AGAP3: variants seen among roughly 807,000 people sequenced by gnomAD.
AGAP3 encodes ArfGAP with GTPase domain, ankyrin repeat and PH domain 3.
AGAP3 carries 24 observed loss-of-function variants against 96.9 expected under a neutral mutation model. The observed-to-expected ratio is 0.25, with a 90% CI of 0.18 to 0.35. The LOEUF is 0.35. AGAP3 is among the 10% of genes least tolerant of loss of function. AGAP3 has a pLI of 1.00. For missense variants in AGAP3, 876 were observed against 1,254.2 expected, an observed-to-expected ratio of 0.70 and a Z score of 4.55; for synonymous variants, 563 against 536.1, an observed-to-expected ratio of 1.05 and a Z score of -0.69.
chr7:151,089,932 A>G (rs1275409613), intron 1 of AGAP3: 1 of 152,148 alleles, frequency 6.6e-6, no homozygotes, highest in East Asian at 1.9e-4. Flanking sequence ...CAGGGAGAGT[A>G]TAGGCCTTCA....
intron 11 of AGAP3, chr7:151,136,534 G>T (rs373055881): frequency 6.6e-6 from 1 of 152,220 alleles, no homozygotes; most frequent in Non-Finnish European, 1.5e-5. Context: ...TACATTATCC[G>T]CTGCTTTATG....
chr7:151,120,838 GC>G, intron 8 of AGAP3: 1 of 1,156,866 alleles, frequency 8.6e-7, no homozygotes, highest in Non-Finnish European at 1.1e-6. Context: ...GCTGAGGGTG[GC>G]CTCTGGCTCT....
intron 8 of AGAP3, chr7:151,123,001 C>G (rs974800917): frequency 2.1e-6 from 3 of 1,411,488 alleles, no homozygotes; most frequent in South Asian, 1.5e-5. Flanking sequence ...CCCGGCCGGA[C>G]GCTGCAGGCT....
chr7:151,102,124 A>G (rs758372434), intron 1 of AGAP3, among the ~76,000 whole-genome samples: 15 of 152,114 alleles, frequency 9.9e-5, no homozygotes, highest in Non-Finnish European at 1.9e-4. Context: ...ACCAAGGGAA[A>G]ATCAGCTGAC....
rs548218056 is a variant in AGAP3 at position 151,139,292 on chromosome 7, G to A, written c.1667-687G>A. Among the ~76,000 whole-genome samples, 12 of 152,312 alleles carry A rather than the reference G, an allele frequency of 7.9e-5. No individual in the cohort carries two copies. The East Asian group carries it at 2.1e-3, about 27-fold the overall frequency. ...GCACGGGCTGAGGGAGGAGCTGGGC[G>A]GTGCCAGCACGGGGATCTGCCCCAC... On this transcript the variant is annotated intron_variant, in intron 12 of 17. Coordinates refer to ENST00000397238, the MANE Select transcript of AGAP3 (RefSeq NM_031946.7). The surrounding 1 kb of genome is among the most constrained non-coding windows in gnomAD (Gnocchi z 4.9).
chr7:151,118,215 A>G lies in AGAP3; in HGVS notation c.712A>G (p.Ile238Val). Residue 238 changes from isoleucine to valine, a missense_variant, in exon 6 of 18, where the codon ATC becomes GTC. Physicochemically the swap from Ile to Val is conservative, Grantham distance 29. Transcript: ENST00000397238. This position sits in a 1 kb window ranked among gnomAD's most constrained non-coding sequence, Gnocchi z 6.1. ...PMVLVGTQDA[I>V]SAANPRVIDD... The stretch of plus-strand genomic sequence containing the variant: ...CGCCCTCCCACCTCCAACAGATGCC[A>G]TCAGCGCTGCGAATCCCCGGGTTAT... 6.2e-7 allele frequency: 1 copy of G among 1,607,996 alleles called. No individual in the cohort carries two copies. Among genetic ancestry groups the G allele is most frequent in the Non-Finnish European group, 8.5e-7 (1 of 1,175,534 alleles).
At position 151,096,508 on chromosome 7, in the gene AGAP3, T is replaced by G. The variant is rs1395952423; in HGVS notation, c.331+9436T>G. Reference sequence around the variant, plus strand: ...TTTTTTTTGAGGTGGAGTCTCGCTCTGTCGCCCAGGCTGGAGTGCAGTGGC... The same window carrying G: ...TTTTTTTTGAGGTGGAGTCTCGCTCGGTCGCCCAGGCTGGAGTGCAGTGGC... On this transcript the variant is annotated intron_variant, in intron 1 of 17. Transcript: ENST00000397238. This position sits in a 1 kb window ranked among gnomAD's most constrained non-coding sequence, Gnocchi z 4.4. Among the ~76,000 whole-genome samples the G allele has an allele frequency of 6.6e-6, 1 of 151,946 alleles. No homozygotes were observed. Among genetic ancestry groups the G allele is most frequent in the East Asian group, 1.9e-4 (1 of 5,188 alleles).
Position 151,117,681 on chromosome 7 carries a change from G to C in AGAP3, c.610G>C (p.Asp204His). The change falls in exon 5 of 18, where the codon GAT becomes CAT. Residue 204 changes from aspartate (D) to histidine (H), a missense_variant. Physicochemically the swap from Asp to His is moderately conservative, Grantham distance 81 (BLOSUM62 -1). This residue lies in a region of AGAP3 where 131 missense variants were observed against 304.5 expected (regional missense o/e 0.43). Coordinates refer to ENST00000397238, the MANE Select transcript of AGAP3 (RefSeq NM_031946.7). ...AGTGGTGTTTGTGTTCAGCCTGGAG[G>C]ATGAAATCAGTTTCCAGACGGTGTA... ...DAVVFVFSLE[D>H]EISFQTVYNY... 6.2e-7 allele frequency: 1 copy of C among 1,614,220 alleles called. No homozygotes were observed. The highest frequency in any genetic ancestry group is 8.5e-7 in the Non-Finnish European group (1 of 1,180,026).
Position 151,114,940 on chromosome 7 carries a change from C to T in AGAP3, c.332-1853C>T, listed in dbSNP as rs1799477655. The T allele has an allele frequency of 1.0e-6, 1 of 984,822 alleles. No individual in the cohort carries two copies. The highest frequency in any genetic ancestry group is 1.2e-6 in the Non-Finnish European group (1 of 831,536). The allele number at this position is 984,822 out of a possible 1,614,324, so 61.0% of individuals were successfully genotyped here. ...GCCGCCAGTGAGCAGCCGGCGCGGC[C>T]GCGGAGCGTGTGCTCGGGCGGCCCG... On this transcript the variant is annotated intron_variant, in intron 1 of 17. Transcript: ENST00000397238. The surrounding 1 kb of genome is among the most constrained non-coding windows in gnomAD (Gnocchi z 4.4).
Position 151,108,142 on chromosome 7 carries a change from G to C in AGAP3, c.332-8651G>C, listed in dbSNP as rs1483703721. Among the ~76,000 whole-genome samples the C allele has an allele frequency of 6.6e-6, 1 of 152,186 alleles. No homozygotes were observed. The highest frequency in any genetic ancestry group is 1.5e-5 in the Non-Finnish European group (1 of 68,024). On this transcript the variant is annotated intron_variant, in intron 1 of 17. Transcript: ENST00000397238. The surrounding 1 kb of genome is among the most constrained non-coding windows in gnomAD (Gnocchi z 4.2). ...GGGCACTTCCAGGGTCTTAGAACAT[G>C]GCCAGATGGGACAAAGCCAGGAGGC...
At chr7:151,100,632 G>A (rs753378251) in intron 1 of AGAP3, among the ~76,000 whole-genome samples, 4 of 152,144 alleles carry the variant, frequency 2.6e-5, no homozygotes, top group East Asian at 1.9e-4. Context: ...AGGAGTTCAC[G>A]ACCAGCATAG....
intron 1 of AGAP3, among the ~76,000 whole-genome samples, chr7:151,089,362 C>T (rs1798294481): frequency 1.3e-5 from 2 of 152,194 alleles, no homozygotes; most frequent in South Asian, 4.1e-4. Context: ...CCCTCCACCC[C>T]CAGCCCCAGG....
Position 151,086,694 on chromosome 7 carries a change from T to C in AGAP3, c.-48T>C. On this transcript the variant is annotated 5_prime_UTR_variant, in exon 1 of 18. Coordinates refer to ENST00000397238, the MANE Select transcript of AGAP3 (RefSeq NM_031946.7). ...TGCCGCCGCCGCCGCCGCCGCCGCC[T>C]CCGCCGCGCCGCCCCGGGCCCGCCT... 4.6e-6 allele frequency: 1 copy of C among 215,818 alleles called. No homozygotes were observed. Among genetic ancestry groups the C allele is most frequent in the Non-Finnish European group, 7.2e-6 (1 of 139,354 alleles). The allele number at this position is 215,818 out of a possible 1,614,324, so 13.4% of individuals were successfully genotyped here.
intron 8 of AGAP3, chr7:151,123,158 G>A: frequency 9.2e-7 from 1 of 1,090,762 alleles, no homozygotes; most frequent in East Asian, 7.6e-5. Context: ...GCTCCTTCCT[G>A]CATGGACCTC....
chr7:151,118,422 A>G lies in AGAP3; in HGVS notation c.841+78A>G, dbSNP rs1296146247. The G allele has an allele frequency of 1.9e-5, 30 of 1,599,216 alleles. No individual in the cohort carries two copies. Among genetic ancestry groups the G allele is most frequent in the Non-Finnish European group, 2.4e-5 (28 of 1,168,976 alleles). ...GATAGGAAGGCTCCCAGTGAGAGCA[A>G]GGCTGTGTGTCTGGGGGGAGGTGCT... On this transcript the variant is annotated intron_variant, in intron 6 of 17. Transcript: ENST00000397238. This position sits in a 1 kb window ranked among gnomAD's most constrained non-coding sequence, Gnocchi z 6.1.
Position 151,108,437 on chromosome 7 carries a change from G to A in AGAP3, c.332-8356G>A, listed in dbSNP as rs986228317. ...GGTCCTGTGGCTCTCTCTGCCACCC[G>A]CACCCCCACCAGCACCTCTGCCGCC... On this transcript the variant is annotated intron_variant, in intron 1 of 17. Transcript: ENST00000397238. The surrounding 1 kb of genome is among the most constrained non-coding windows in gnomAD (Gnocchi z 4.2). 9.9e-5 allele frequency among the ~76,000 whole-genome samples: 15 copies of A among 151,768 alleles called. No homozygotes were observed. Among genetic ancestry groups the A allele is most frequent in the African/African-American group, 2.4e-4 (10 of 41,290 alleles).
chr7:151,097,832 C>T (rs1025118520), intron 1 of AGAP3, among the ~76,000 whole-genome samples: 7 of 152,166 alleles, frequency 4.6e-5, no homozygotes, highest in African/African-American at 1.4e-4. Context: ...TTGGAGGAGA[C>T]ACACATCCAG....
intron 9 of AGAP3, among the ~76,000 whole-genome samples, chr7:151,125,853 C>T (rs1215509476): frequency 6.6e-6 from 1 of 152,254 alleles, no homozygotes; most frequent in African/African-American, 2.4e-5. Flanking sequence ...AGGGAGGCGG[C>T]GGCGGGAACG....
At chr7:151,090,898 C>A (rs1798369175) in intron 1 of AGAP3, among the ~76,000 whole-genome samples, 1 of 152,018 alleles carries the variant, frequency 6.6e-6, no homozygotes, top group Non-Finnish European at 1.5e-5. Flanking sequence ...GAGCTGAGAT[C>A]GCACCACTGC....
Sources: gnomAD v4.1 joint callset for allele counts (sites outside exome capture counted in the v4.1 genomes callset) on GRCh38, gnomAD v4.1.1 for gene constraint, gnomAD v4.1.1 regional missense constraint, Gnocchi (gnomAD v3.1) non-coding constraint, MANE v1.5 for transcripts, NCBI Gene and HGNC (gene_info 2026-07-23, HGNC 2026-07-21) for gene names.